AMMECR1: variants seen among roughly 807,000 people sequenced by gnomAD.
The protein encoded by AMMECR1 is AMMECR nuclear protein 1, also known as nuclear protein AMMECR1.
AMMECR1 carries 3 observed loss-of-function variants against 22.5 expected under a neutral mutation model. That is an observed-to-expected ratio of 0.13 (90% CI 0.06 to 0.35). The LOEUF is 0.35. Among genes scored for constraint, AMMECR1 ranks in the 10% least tolerant of loss-of-function variants. AMMECR1 has a pLI of 1.00. For synonymous variants in AMMECR1, 130 were observed against 116.7 expected (o/e 1.11, Z -0.74); for missense variants, 235 against 278.7 (o/e 0.84, Z 1.12).
intron 2 of AMMECR1, among the ~76,000 whole-genome samples, chrX:110,239,421 G>A (rs778124794): frequency 5.4e-5 from 6 of 110,681 alleles, no homozygotes; most frequent in African/African-American, 1.6e-4. Flanking sequence ...ATCAATAGCC[G>A]AATCATCAAG....
intron 2 of AMMECR1, among the ~76,000 whole-genome samples, chrX:110,395,874 G>A (rs1258561354): frequency 9.0e-6 from 1 of 111,252 alleles, no homozygotes; most frequent in African/African-American, 3.3e-5. Flanking sequence ...GGCTGCTACT[G>A]GAGGCCAGAA....
At chrX:110,211,413 C>T (rs1412972006) in intron 3 of AMMECR1, among the ~76,000 whole-genome samples, 1 of 112,111 alleles carries the variant, frequency 8.9e-6, no homozygotes, top group African/African-American at 3.2e-5. Flanking sequence ...ATTGTAATGT[C>T]TGGTTTTATA....
chrX:110,242,676 T>C (rs906513029), intron 2 of AMMECR1, among the ~76,000 whole-genome samples: 4 of 111,751 alleles, frequency 3.6e-5, no homozygotes, highest in Admixed American at 9.5e-5. Context: ...CTTGGGCAAA[T>C]ATTTAAGGTA....
chrX:110,242,183 A>G (rs370151038), intron 2 of AMMECR1, among the ~76,000 whole-genome samples: 13 of 111,868 alleles, frequency 1.2e-4, no homozygotes, highest in African/African-American at 3.6e-4. Context: ...GCTTGGTTTG[A>G]GGTGATAAGA....
chrX:110,426,347 A>G (rs1032417983), intron 2 of AMMECR1, among the ~76,000 whole-genome samples: 2 of 111,806 alleles, frequency 1.8e-5, no homozygotes, highest in Non-Finnish European at 3.8e-5. Flanking sequence ...ACCCTAATGG[A>G]CAATTATCCC....
chrX:110,393,697 C>A (rs1007140530), intron 2 of AMMECR1, among the ~76,000 whole-genome samples: 1 of 112,178 alleles, frequency 8.9e-6, no homozygotes, highest in African/African-American at 3.2e-5. Context: ...CCTTGAATAA[C>A]ATTGTTTTGT....
intron 3 of AMMECR1, among the ~76,000 whole-genome samples, chrX:110,215,288 C>G (rs894827694): frequency 9.0e-6 from 1 of 111,630 alleles, no homozygotes; most frequent in African/African-American, 3.3e-5. Flanking sequence ...CACCCCACCC[C>G]CTAAAACTTT....
intron 1 of AMMECR1, among the ~76,000 whole-genome samples, chrX:110,430,897 T>C (rs1023453265): frequency 7.1e-5 from 8 of 112,213 alleles, no homozygotes; most frequent in Admixed American, 1.9e-4. Flanking sequence ...TGTTAAAAAC[T>C]AAAAATCCCT....
Position 110,373,770 on chromosome X carries a change from C to A in AMMECR1, c.-148+52888G>T, listed in dbSNP as rs59600023. Among the ~76,000 whole-genome samples the A allele has an allele frequency of 3.9e-3, 439 of 111,591 alleles. 8 individuals carry two copies. The highest frequency in any genetic ancestry group is 0.033 in the Admixed American group (345 of 10,519). On this transcript the variant is annotated intron_variant, in intron 2 of 7. Transcript: ENST00000372057. ...AGGAACATAATACATAAAGCAAGAG[C>A]ACAACTTTCCTCGGTGTGTGTACAC...
intron 2 of AMMECR1, among the ~76,000 whole-genome samples, chrX:110,360,483 A>G (rs761969550): frequency 9.0e-6 from 1 of 111,598 alleles, no homozygotes; most frequent in Non-Finnish European, 1.9e-5. Context: ...CTAGATTGAT[A>G]GTAATAGAGA....
intron 2 of AMMECR1, among the ~76,000 whole-genome samples, chrX:110,231,680 G>A (rs2067567265): frequency 9.0e-6 from 1 of 111,713 alleles, no homozygotes; most frequent in Admixed American, 9.5e-5. Context: ...AACCTTAAAT[G>A]TAAATGGGCT....
chrX:110,257,197 C>T (rs2067715131), intron 2 of AMMECR1, among the ~76,000 whole-genome samples: 1 of 112,433 alleles, frequency 8.9e-6, no homozygotes, highest in Non-Finnish European at 1.9e-5. Context: ...TTTACCATTT[C>T]AGTCATTCAT....
At chrX:110,270,196 G>C (rs913712051) in intron 1 of AMMECR1, among the ~76,000 whole-genome samples, 2 of 111,449 alleles carry the variant, frequency 1.8e-5, no homozygotes, top group Non-Finnish European at 3.8e-5. Context: ...AGTCACATTA[G>C]GGGTTAGGGC....
At chrX:110,323,183 T>C (rs1792954049) in intron 2 of AMMECR1, among the ~76,000 whole-genome samples, 1 of 112,503 alleles carries the variant, frequency 8.9e-6, no homozygotes, top group Non-Finnish European at 1.9e-5. Context: ...TTTCCCATGC[T>C]ACACTCTGCT....
chrX:110,374,440 G>T (rs1160017764), intron 2 of AMMECR1, among the ~76,000 whole-genome samples: 3 of 111,721 alleles, frequency 2.7e-5, no homozygotes, highest in Non-Finnish European at 5.6e-5. Flanking sequence ...CCTGAGATTG[G>T]ATCCCCCAGC....
At chrX:110,279,243 A>C (rs2067840625) in intron 1 of AMMECR1, among the ~76,000 whole-genome samples, 1 of 112,423 alleles carries the variant, frequency 8.9e-6, no homozygotes, top group Non-Finnish European at 1.9e-5. Context: ...TTCTTTCTTT[A>C]TTCTGCCAAT....
At chrX:110,365,573 T>C (rs17003968) in intron 2 of AMMECR1, among the ~76,000 whole-genome samples, 8,513 of 111,674 alleles carry the variant, frequency 0.076, 703 homozygotes, top group African/African-American at 0.25. Flanking sequence ...AATGCAATAA[T>C]CTCTCTCTAA....
chrX:110,375,495 G>A (rs1432609352), intron 2 of AMMECR1, among the ~76,000 whole-genome samples: 1 of 111,202 alleles, frequency 9.0e-6, no homozygotes, highest in Non-Finnish European at 1.9e-5. Flanking sequence ...ACTGGTACAG[G>A]GCCTAGAACG....
chrX:110,401,945 GTC>G (rs1482196202), intron 2 of AMMECR1, among the ~76,000 whole-genome samples: 1 of 111,873 alleles, frequency 8.9e-6, no homozygotes, highest in Non-Finnish European at 1.9e-5. Context: ...AACCATCCAG[GTC>G]TCTCTTCGCT....
Sources: gnomAD v4.1 joint callset for allele counts (sites outside exome capture counted in the v4.1 genomes callset) on GRCh38, gnomAD v4.1.1 for gene constraint, MANE v1.5 for transcripts, NCBI Gene and HGNC (gene_info 2026-07-23, HGNC 2026-07-21) for gene names.